The following DNAJC9 variants were observed in gnomAD, a reference collection of about 807,000 sequenced individuals.
DNAJC9 encodes the protein dnaJ homolog subfamily C member 9.
In DNAJC9, 18 loss-of-function variants were observed where a neutral mutation model predicts 32.4. The ratio of observed to expected loss-of-function variants is 0.56; its 90% confidence interval spans 0.38 to 0.82. The LOEUF is 0.82. Ranked by LOEUF, DNAJC9 falls within the 40% of genes least tolerant of loss-of-function variation. DNAJC9 has a pLI of 0.00. For missense variants in DNAJC9, 310 were observed against 321.8 expected, an observed-to-expected ratio of 0.96 and a Z score of 0.28; for synonymous variants, 113 against 122.1, an observed-to-expected ratio of 0.93 and a Z score of 0.49.
intron 2 of DNAJC9, chr10:73,233,218 A>C: frequency 8.4e-7 from 1 of 1,192,712 alleles, no homozygotes; most frequent in Non-Finnish European, 1.2e-6. Flanking sequence ...CACATTTTAC[A>C]TACAGAATTA....
chr10:73,232,958 C>T (rs1325681385), intron 2 of DNAJC9: 18 of 1,550,482 alleles, frequency 1.2e-5, no homozygotes, highest in East Asian at 2.4e-5. Context: ...TGACAAGCTA[C>T]TTATGAGGCC....
At chr10:73,233,884 T>C (rs975694129), downstream of DNAJC9, among the ~76,000 whole-genome samples, 8 of 152,346 alleles carry the variant, frequency 5.3e-5, no homozygotes, top group Non-Finnish European at 7.3e-5. Context: ...GCTTATTCCA[T>C]TGACAATGAA....
chr10:73,235,428 A>G, downstream of DNAJC9: 1 of 1,475,836 alleles, frequency 6.8e-7, no homozygotes, highest in Non-Finnish European at 9.0e-7. Context: ...ACCCAGAATA[A>G]AAGTTGAGTT....
At chr10:73,246,961 A>AGG (rs748502231) in intron 1 of DNAJC9, 49 bp downstream of exon 1, 14 of 1,557,784 alleles carry the variant, frequency 9.0e-6, no homozygotes, top group Non-Finnish European at 9.5e-6. Flanking sequence ...CCAAAAGGCT[A>AGG]GGGGGAGGCC....
intron 2 of DNAJC9, chr10:73,233,268 C>T: frequency 2.5e-6 from 2 of 812,818 alleles, no homozygotes; most frequent in Non-Finnish European, 4.0e-6. Flanking sequence ...AGAAACTAAT[C>T]ATTAAGTAGT....
At chr10:73,240,188 C>A (rs896002846), downstream of DNAJC9, among the ~76,000 whole-genome samples, 2 of 152,146 alleles carry the variant, frequency 1.3e-5, no homozygotes, top group East Asian at 1.9e-4. Flanking sequence ...CAGGGTCATT[C>A]TTATTATGCT....
chr10:73,241,426 G>GTTCA, downstream of DNAJC9: 1 of 200,280 alleles, frequency 5.0e-6, no homozygotes, highest in East Asian at 1.4e-4. Flanking sequence ...TTCAGCCTGT[G>GTTCA]TTCATTTCTG....
At chr10:73,240,754 T>C (rs184188789), downstream of DNAJC9, among the ~76,000 whole-genome samples, 23 of 151,834 alleles carry the variant, frequency 1.5e-4, no homozygotes, top group Admixed American at 1.4e-3. Flanking sequence ...TATGTAACAC[T>C]GAAGTGGAAG....
downstream of DNAJC9, among the ~76,000 whole-genome samples, chr10:73,238,334 G>A (rs564276583): frequency 7.2e-5 from 11 of 152,274 alleles, no homozygotes; most frequent in South Asian, 2.1e-4. Context: ...GCGACAGAGC[G>A]AGAAGACTCT....
intron 3 of DNAJC9, 68 bp downstream of exon 3, chr10:73,245,854 G>T: frequency 6.4e-7 from 1 of 1,570,352 alleles, no homozygotes. Flanking sequence ...TACTTCTACT[G>T]CTGTAAATAC....
intron 3 of DNAJC9, 98 bp downstream of exon 3, chr10:73,245,824 T>C: frequency 6.8e-7 from 1 of 1,473,188 alleles, no homozygotes; most frequent in South Asian, 1.3e-5. Context: ...CCCTAGTCCT[T>C]ATTTCTGGAG....
At chr10:73,237,954 CTTTAAG>C (rs551603747), downstream of DNAJC9, among the ~76,000 whole-genome samples, 341 of 152,080 alleles carry the variant, frequency 2.2e-3, 3 homozygotes, top group African/African-American at 6.8e-3. Context: ...TCAGTCTTCT[CTTTAAG>C]TTTATTAAAA....
chr10:73,232,542 CA>C (rs1484851115), intron 2 of DNAJC9, among the ~76,000 whole-genome samples: 3 of 152,208 alleles, frequency 2.0e-5, no homozygotes, highest in South Asian at 4.1e-4. Flanking sequence ...TTTCTGGTGA[CA>C]ATCTTTCAGC....
At chr10:73,235,230 T>G, downstream of DNAJC9, 1 of 1,551,764 alleles carries the variant, frequency 6.4e-7, no homozygotes, top group African/African-American at 1.4e-5. Flanking sequence ...CAAAGTGCGG[T>G]GGTGGATGAA....
At position 73,247,150 on chromosome 10, in the gene DNAJC9, C is replaced by A; in HGVS notation, c.40G>T (p.Ala14Ser). 6.3e-7 allele frequency: 1 copy of A among 1,596,422 alleles called. No individual in the cohort carries two copies. Among genetic ancestry groups the A allele is most frequent in the Admixed American group, 1.7e-5 (1 of 58,082 alleles). ...LDLCEEVFGTADLYRVLGVRR... is the reference protein window; with the variant it reads ...LDLCEEVFGTSDLYRVLGVRR... Reference sequence around the variant, plus strand: ...ACGCCCAGCACCCGGTAAAGGTCGGCGGTGCCGAACACTTCCTCGCAAAGG... The same window carrying A: ...ACGCCCAGCACCCGGTAAAGGTCGGAGGTGCCGAACACTTCCTCGCAAAGG... The change falls in exon 1 of 5, where the codon GCC becomes TCC. Residue 14 changes from alanine (A) to serine (S), a missense_variant. By Grantham distance (99) the Ala-to-Ser change is moderately conservative. Coordinates refer to ENST00000372950, the MANE Select transcript of DNAJC9 (RefSeq NM_015190.5).
rs1198455596 is a variant in DNAJC9, at chr10:73,242,484, G to A, written c.*916C>T. On this transcript the variant is annotated 3_prime_UTR_variant, in exon 5 of 5. Coordinates refer to ENST00000372950, the MANE Select transcript of DNAJC9 (RefSeq NM_015190.5). Reference sequence around the variant, plus strand: ...CTCACCCTGTGTGTTTTCCCTCAAAGCCAGTGCAATTTTTTTTTAACCAAA... The same window carrying A: ...CTCACCCTGTGTGTTTTCCCTCAAAACCAGTGCAATTTTTTTTTAACCAAA... 8.5e-5 allele frequency: 13 copies of A among 152,138 alleles called. No homozygotes were observed. In the East Asian group the frequency reaches 2.5e-3, roughly 29 times the overall value. 9.4% of individuals were successfully genotyped at this position (152,138 alleles called of 1,614,324 possible).
chr10:73,241,067 G>A (rs1181513779), downstream of DNAJC9: 1 of 1,055,008 alleles, frequency 9.5e-7, no homozygotes, highest in Non-Finnish European at 1.4e-6. Context: ...GAGATTTCAT[G>A]AAGCAGTATT....
At chr10:73,235,614 T>G (rs1564717354), downstream of DNAJC9, 1 of 387,432 alleles carries the variant, frequency 2.6e-6, no homozygotes, top group South Asian at 3.2e-5. Context: ...AAGCATAACT[T>G]TATTATGTAA....
At chr10:73,233,362 TAC>T (rs1564715792) in intron 2 of DNAJC9, among the ~76,000 whole-genome samples, 1 of 152,166 alleles carries the variant, frequency 6.6e-6, no homozygotes, top group African/African-American at 2.4e-5. Flanking sequence ...TTTTTTTAGA[TAC>T]AGTCTCACTC....
Sources: allele counts gnomAD v4.1 joint callset (sites outside exome capture counted in the v4.1 genomes callset), GRCh38; gene constraint gnomAD v4.1.1; transcripts MANE v1.5; gene names NCBI Gene and HGNC (gene_info 2026-07-23, HGNC 2026-07-21).